Variants in BRWD1 observed in about 807,000 individuals in gnomAD.
BRWD1 encodes bromodomain and WD repeat-containing protein 1.
A neutral mutation model predicts 251.2 loss-of-function variants in BRWD1; 82 were observed. The ratio of observed to expected loss-of-function variants is 0.33; its 90% CI spans 0.27 to 0.39. The LOEUF (loss-of-function observed/expected upper bound fraction) is 0.39, where lower values mean the gene tolerates loss of function less well. Among genes scored for constraint, BRWD1 ranks in the 10% least tolerant of loss-of-function variants. The pLI is 1.00. For synonymous variants in BRWD1, 918 were observed against 902.8 expected, an observed-to-expected ratio of 1.02 and a Z score of -0.30; for missense variants, 2,233 against 2,711.6, an observed-to-expected ratio of 0.82 and a Z score of 3.92.
chr21:39,188,663 C>T lies in BRWD1; in HGVS notation c.*7596G>A, dbSNP rs899839773. ...CTAATGAGGCAGGCCTCTGCCCTCA[C>T]AGTGCAAGCACTTCAGATTTTTCCC... On this transcript the variant is annotated 3_prime_UTR_variant, in exon 41 of 41. Coordinates refer to ENST00000342449, the MANE Select transcript of BRWD1 (RefSeq NM_033656.4). The T allele has an allele frequency of 1.2e-5, 12 of 985,308 alleles. No individual in the cohort carries two copies. In the African/African-American group the frequency reaches 1.9e-4, roughly 16 times the overall value. The allele number at this position is 985,308 out of a possible 1,614,324, so 61.0% of individuals were successfully genotyped here. A position where few individuals can be genotyped will look rare whatever the true frequency, so the allele number is the denominator to read the frequency against.
rs142082226 is a variant in BRWD1 at position 39,225,308 on chromosome 21, A to G, written c.3209-111T>C. The G allele has an allele frequency of 1.2e-3, 859 of 742,298 alleles. 17 individuals are homozygous for G. The East Asian group carries it at 0.018, about 16-fold the overall frequency. The allele number at this position is 742,298 out of a possible 1,614,324, so 46.0% of individuals were successfully genotyped here. On this transcript the variant is annotated intron_variant, in intron 27 of 40. Coordinates refer to ENST00000342449, the MANE Select transcript of BRWD1 (RefSeq NM_033656.4). ...GATAAAAAAGCCAAAAGCACAATAC[A>G]AAAACAGGCAAGCAGCGCTCCTAAA...
chr21:39,206,925 A>G (rs1390261064), intron 36 of BRWD1, among the ~76,000 whole-genome samples: 1 of 152,240 alleles, frequency 6.6e-6, no homozygotes, highest in African/African-American at 2.4e-5. Context: ...AATAAGTGCA[A>G]AAGTCTAATG....
At chr21:39,312,100 G>A (rs1568984595) in intron 4 of BRWD1, among the ~76,000 whole-genome samples, 1 of 152,156 alleles carries the variant, frequency 6.6e-6, no homozygotes, top group Non-Finnish European at 1.5e-5. Context: ...CCCTGCAACT[G>A]CTGTAACTAT....
chr21:39,308,616 C>G (rs1235205075), intron 4 of BRWD1, among the ~76,000 whole-genome samples: 1 of 151,902 alleles, frequency 6.6e-6, no homozygotes, highest in African/African-American at 2.4e-5. Context: ...ATCTAAAAAG[C>G]TTTTTAAAAT....
intron 8 of BRWD1, among the ~76,000 whole-genome samples, chr21:39,289,681 T>C (rs1441832253): frequency 6.6e-6 from 1 of 151,106 alleles, no homozygotes; most frequent in Admixed American, 6.6e-5. Context: ...CTATTAGCAA[T>C]TTAAAAATAT....
intron 29 of BRWD1, among the ~76,000 whole-genome samples, chr21:39,220,463 T>C (rs1373311414): frequency 6.6e-6 from 1 of 152,214 alleles, no homozygotes; most frequent in Non-Finnish European, 1.5e-5. Flanking sequence ...CTTAAAAAGA[T>C]AAAATTGTTT....
At chr21:39,185,320 A>AAAAAAAAAAAAAAAC, downstream of BRWD1, 1 of 125,208 alleles carries the variant, frequency 8.0e-6, no homozygotes, top group South Asian at 2.5e-4. Flanking sequence ...AAAAAAAAAA[A>AAAAAAAAAAAAAAAC]AACTTTGCAT....
chr21:39,312,845 T>G lies in BRWD1; in HGVS notation c.194A>C (p.Glu65Ala), dbSNP rs1198497380. ...GCAAACGTGCCCAATGCTCACCAAC[T>G]CCTCGTAGCTCCTGTTGTGCTCGTT... is the stretch of plus-strand genomic sequence containing the variant. ...EGNEHNRSYE[E>A]LVLSNKHVAP... The change falls in exon 4 of 41, where the codon GAG becomes GCG. Residue 65 changes from glutamate to alanine, a missense_variant. Physicochemically the swap from Glu to Ala is moderately radical, Grantham distance 107. This residue lies in a region of BRWD1 where 101 missense variants were observed against 95.6 expected (regional missense o/e 1.06). Transcript: ENST00000342449. 6.4e-7 allele frequency: 1 copy of G among 1,567,436 alleles called. No individual in the cohort carries two copies. Among genetic ancestry groups the G allele is most frequent in the South Asian group, 1.1e-5 (1 of 89,036 alleles).
intron 1 of BRWD1, among the ~76,000 whole-genome samples, chr21:39,319,482 G>T (rs1374617454): frequency 6.6e-6 from 1 of 152,248 alleles, no homozygotes; most frequent in Non-Finnish European, 1.5e-5. Flanking sequence ...GGATCAGAAT[G>T]TGTCTGTGTT....
intron 33 of BRWD1, among the ~76,000 whole-genome samples, chr21:39,212,917 T>C (rs949118430): frequency 6.6e-6 from 1 of 151,792 alleles, no homozygotes; most frequent in Non-Finnish European, 1.5e-5. Context: ...TTTCATTCCC[T>C]AAGAACATGA....
At chr21:39,274,501 A>G in intron 12 of BRWD1, 29 bp from the exon 13 acceptor site, 1 of 1,521,298 alleles carries the variant, frequency 6.6e-7, no homozygotes, top group East Asian at 2.3e-5. Flanking sequence ...GGATCTTACT[A>G]TATTCACACA....
At chr21:39,205,809 G>T (rs1432607435) in intron 37 of BRWD1, among the ~76,000 whole-genome samples, 1 of 152,070 alleles carries the variant, frequency 6.6e-6, no homozygotes, top group African/African-American at 2.4e-5. Context: ...GCTGGGCGTG[G>T]TGGCTCACAC....
At position 39,192,993 on chromosome 21, in the gene BRWD1, T is replaced by C; in HGVS notation, c.*3266A>G. 2 of 985,086 alleles carry C rather than the reference T, an allele frequency of 2.0e-6. No individual in the cohort carries two copies. The highest frequency in any genetic ancestry group is 2.4e-6 in the Non-Finnish European group (2 of 829,680). The allele number at this position is 985,086 out of a possible 1,614,324, so 61.0% of individuals were successfully genotyped here. A position where few individuals can be genotyped will look rare whatever the true frequency, so the allele number is the denominator to read the frequency against. ...GCACCCCTTATTCTAAGTGATAATT[T>C]TTACTTACGAGGTCATAACGAGTGC... On this transcript the variant is annotated 3_prime_UTR_variant, in exon 41 of 41. Coordinates refer to ENST00000342449, the MANE Select transcript of BRWD1 (RefSeq NM_033656.4).
In BRWD1 at chr21:39,199,237, G is replaced by T; in HGVS notation, c.5179C>A (p.Arg1727=). 6.2e-7 allele frequency: 1 copy of T among 1,614,102 alleles called. No individual in the cohort carries two copies. Among genetic ancestry groups the T allele is most frequent in the Non-Finnish European group, 8.5e-7 (1 of 1,180,018 alleles). ...GCATGCCAATTTTTCCGGGCTACCC[G>T]CAAATCACTTTCTGACTCTGAGTCT... ...NRDSESESDL[R]VARKNWHANG... The change falls in exon 40 of 41, where the codon CGG becomes AGG. Residue 1727 remains arginine, a synonymous_variant. Coordinates refer to ENST00000342449, the MANE Select transcript of BRWD1 (RefSeq NM_033656.4).
At chr21:39,254,816 A>C (rs1016080926) in intron 19 of BRWD1, among the ~76,000 whole-genome samples, 12 of 152,362 alleles carry the variant, frequency 7.9e-5, no homozygotes, top group Middle Eastern at 3.4e-3. Context: ...AAAACCGAGG[A>C]GGCTATTTAT....
chr21:39,275,703 A>C (rs1338171963), intron 12 of BRWD1, among the ~76,000 whole-genome samples: 2 of 152,180 alleles, frequency 1.3e-5, no homozygotes, highest in Admixed American at 6.6e-5. Flanking sequence ...CAGTGTACTT[A>C]CTCCATAAAC....
At chr21:39,309,180 A>C (rs528111917) in intron 4 of BRWD1, among the ~76,000 whole-genome samples, 15 of 151,654 alleles carry the variant, frequency 9.9e-5, no homozygotes, top group East Asian at 1.9e-4. Flanking sequence ...CTCAAAAAAA[A>C]ACAAAACAAA....
At chr21:39,255,209 G>A (rs1047404708) in intron 19 of BRWD1, among the ~76,000 whole-genome samples, 2 of 152,046 alleles carry the variant, frequency 1.3e-5, no homozygotes, top group East Asian at 1.9e-4. Flanking sequence ...TCAGGAGTTC[G>A]AGACCAGCCT....
Position 39,196,572 on chromosome 21 carries a change from G to A in BRWD1, c.6497C>T (p.Ser2166Leu). 1.9e-6 allele frequency: 3 copies of A among 1,613,408 alleles called. No individual in the cohort carries two copies. The highest frequency in any genetic ancestry group is 1.7e-6 in the Non-Finnish European group (2 of 1,179,748). The change falls in exon 41 of 41, where the codon TCA (serine) becomes TTA (leucine). Residue 2166 changes from serine (S) to leucine (L), a missense_variant. Physicochemically the swap from Ser to Leu is moderately radical, Grantham distance 145. Transcript: ENST00000342449. ...TGTATTATCAGTACAGTCAATATCT[G>A]ATTCAGTTACAGATCCCAAATCTGA... ...KSSDLGSVTE[S>L]DIDCTDNTKT... is the part of the protein sequence containing the mutation.
Sources: gnomAD v4.1 joint callset for allele counts (sites outside exome capture counted in the v4.1 genomes callset) on GRCh38, gnomAD v4.1.1 for gene constraint, gnomAD v4.1.1 regional missense constraint, MANE v1.5 for transcripts, NCBI Gene and HGNC (gene_info 2026-07-23, HGNC 2026-07-21) for gene names.